Variants in ACACB observed in about 807,000 individuals in gnomAD.
ACACB encodes acetyl-CoA carboxylase 2.
ACACB carries 209 observed loss-of-function variants against 278.8 expected under a neutral mutation model. The ratio of observed to expected loss-of-function variants is 0.75; its 90% CI spans 0.67 to 0.84. The LOEUF (loss-of-function observed/expected upper bound fraction) is 0.84. Ranked by LOEUF, ACACB falls within the 40% of genes least tolerant of loss-of-function variation. The pLI is 0.00. For missense variants in ACACB, 2,850 were observed against 3,269.0 expected, an observed-to-expected ratio of 0.87 and a Z score of 3.13; for synonymous variants, 1,174 against 1,285.6, an observed-to-expected ratio of 0.91 and a Z score of 1.86.
At chr12:109,141,364 A>G (rs2043120487) in intron 2 of ACACB, among the ~76,000 whole-genome samples, 1 of 152,222 alleles carries the variant, frequency 6.6e-6, no homozygotes, top group African/African-American at 2.4e-5. Context: ...CAGCGGCTGC[A>G]GTCAGTGGCT....
intron 36 of ACACB, chr12:109,242,224 A>G (rs2046819129): frequency 1.9e-6 from 1 of 525,870 alleles, no homozygotes; most frequent in Non-Finnish European, 3.4e-6. Context: ...GTATTTTTGG[A>G]ACTGCATTCC....
At chr12:109,224,657 C>T (rs1311757617) in intron 27 of ACACB, among the ~76,000 whole-genome samples, 1 of 151,798 alleles carries the variant, frequency 6.6e-6, no homozygotes, top group Non-Finnish European at 1.5e-5. Context: ...TCAGCCTCCC[C>T]AGTAGCTGGG....
chr12:109,239,062 G>A (rs1458359283), intron 34 of ACACB, among the ~76,000 whole-genome samples: 2 of 151,162 alleles, frequency 1.3e-5, no homozygotes, highest in Non-Finnish European at 2.9e-5. Context: ...GATTATAGGC[G>A]CCCACCACCA....
At chr12:109,226,931 C>T (rs970679047) in intron 27 of ACACB, among the ~76,000 whole-genome samples, 1 of 151,668 alleles carries the variant, frequency 6.6e-6, no homozygotes, top group Non-Finnish European at 1.5e-5. Flanking sequence ...CAAATTTGCT[C>T]TTAACTGCTG....
At position 109,171,830 on chromosome 12, in the gene ACACB, C is replaced by T. The variant is rs368771680; in HGVS notation, c.951C>T (p.Tyr317=). 86 of 1,613,908 alleles carry T rather than the reference C, an allele frequency of 5.3e-5. 2 individuals carry two copies. The South Asian group carries it at 5.6e-4, about 11-fold the overall frequency. The change falls in exon 5 of 53, where the codon TAC becomes TAT. Residue 317 remains tyrosine, a synonymous_variant. Transcript: ENST00000338432. The stretch of plus-strand genomic sequence containing the variant: ...AGTACATCAAGATGGCGGATCATTA[C>T]GTCCCCGTCCCAGGAGGGCCCAATA... ...NAEYIKMADH[Y]VPVPGGPNNN...
In ACACB at chr12:109,266,512, C is replaced by A; in HGVS notation, c.*150C>A. 2.0e-6 allele frequency: 2 copies of A among 1,017,924 alleles called. No individual in the cohort carries two copies. The highest frequency in any genetic ancestry group is 3.1e-5 in the East Asian group (1 of 32,282). The allele number at this position is 1,017,924 out of a possible 1,614,324, so 63.1% of individuals were successfully genotyped here. On this transcript the variant is annotated 3_prime_UTR_variant, in exon 53 of 53. Transcript: ENST00000338432. ...GGGCTGCTGGTTCCGAGCTGACACC[C>A]GTCTTAACAAAAGGCCCAGGAGTGC...
chr12:109,175,979 T>C lies in ACACB; in HGVS notation c.1265T>C (p.Ile422Thr). Residue 422 changes from isoleucine (I) to threonine (T), a missense_variant, in exon 8 of 53, where the codon ATC becomes ACC. Physicochemically the swap from Ile to Thr is moderately conservative, Grantham distance 89 (BLOSUM62 -1). This residue lies in a region of ACACB where 2,265 missense variants were observed against 2,561.3 expected (regional missense o/e 0.88). Transcript: ENST00000338432. ...TEDDLQQGKR[I>T]SVPEDVYDKG... ...GATGATCTGCAGCAGGGAAAAAGAA[T>C]CAGTGTCCCAGAAGATGTTTATGAC... 1 of 1,614,130 alleles carries C rather than the reference T, an allele frequency of 6.2e-7. No individual in the cohort carries two copies. Among genetic ancestry groups the C allele is most frequent in the East Asian group, 2.2e-5 (1 of 44,882 alleles).
chr12:109,210,150 TAC>T (rs374187791), intron 21 of ACACB, among the ~76,000 whole-genome samples: 6 of 56,980 alleles, frequency 1.1e-4, no homozygotes, highest in East Asian at 1.0e-3. Context: ...TATGTATATA[TAC>T]ACACGTGTGT....
intron 2 of ACACB, among the ~76,000 whole-genome samples, chr12:109,160,811 G>GC (rs1344729702): frequency 6.6e-6 from 1 of 152,222 alleles, no homozygotes; most frequent in Non-Finnish European, 1.5e-5. Flanking sequence ...TGCCTAGCCT[G>GC]CGGTAATGGG....
intron 22 of ACACB, among the ~76,000 whole-genome samples, chr12:109,216,219 C>A (rs796542233): frequency 2.3e-5 from 3 of 128,148 alleles, no homozygotes; most frequent in South Asian, 2.5e-4. Flanking sequence ...CTCTCTCTCT[C>A]TTTTTTTTTT....
At chr12:109,152,720 C>G (rs1226861657) in intron 2 of ACACB, among the ~76,000 whole-genome samples, 1 of 142,410 alleles carries the variant, frequency 7.0e-6, no homozygotes, top group Admixed American at 7.3e-5. Context: ...TCATGGCTCA[C>G]TGCAGCCTCA....
intron 22 of ACACB, among the ~76,000 whole-genome samples, chr12:109,214,623 T>A (rs2045941149): frequency 6.6e-6 from 1 of 152,248 alleles, no homozygotes; most frequent in South Asian, 2.1e-4. Context: ...TGTCCTGTAT[T>A]GTGTAAGTAT....
chr12:109,171,977 T>G, intron 5 of ACACB, 63 bp downstream of exon 5: 1 of 1,374,800 alleles, frequency 7.3e-7, no homozygotes, highest in Non-Finnish European at 1.0e-6. Context: ...TAGGTTCTAG[T>G]TCAATTCCAC....
intron 2 of ACACB, among the ~76,000 whole-genome samples, chr12:109,159,980 C>G (rs1017497186): frequency 6.6e-6 from 1 of 151,664 alleles, no homozygotes; most frequent in Non-Finnish European, 1.5e-5. Context: ...GTCCCAGCTA[C>G]TCGGGAGGCT....
Position 109,140,240 on chromosome 12 carries a change from T to TTCCTTCCTTCCA in ACACB, c.653+193_653+194insATCCTTCCTTCC, listed in dbSNP as rs1565857213. On this transcript the variant is annotated intron_variant, in intron 2 of 52. Transcript: ENST00000338432. ...TTTCCTTCCTTCCTTCCTTCCTTCC[T>TTCCTTCCTTCCA]TCCTTCCTTCCTTCCATCCTTCCTT... is the stretch of plus-strand genomic sequence containing the variant. Among the ~76,000 whole-genome samples the TTCCTTCCTTCCA allele has an allele frequency of 1.7e-4, 23 of 135,176 alleles. 2 individuals are homozygous for TTCCTTCCTTCCA. Among genetic ancestry groups the TTCCTTCCTTCCA allele is most frequent in the African/African-American group, 5.4e-4 (20 of 36,968 alleles). 88.7% of individuals were successfully genotyped at this position (135,176 alleles called of 152,430 possible).
rs2044369929 is a variant in ACACB, at chr12:109,179,032, A to T, written c.1438-56A>T. The T allele has an allele frequency of 7.8e-6, 12 of 1,540,948 alleles. No individual in the cohort carries two copies. In the South Asian group the frequency reaches 1.3e-4, roughly 16 times the overall value. The stretch of plus-strand genomic sequence containing the variant: ...TATGTTCTCTCCTGAGAACTTCCAG[A>T]AGCTTCCAGAGCTGGTTTCCCCATG... On this transcript the variant is annotated intron_variant, in intron 9 of 52. Transcript: ENST00000338432.
intron 19 of ACACB, among the ~76,000 whole-genome samples, chr12:109,205,749 C>T (rs375802585): frequency 2.0e-4 from 30 of 151,910 alleles, no homozygotes; most frequent in South Asian, 1.7e-3. Flanking sequence ...CCACCGTGCC[C>T]GGCCAAGTCA....
rs141397365 is a variant in ACACB, at chr12:109,171,836, C to A, written c.957C>A (p.Pro319=). The change falls in exon 5 of 53, where the codon CCC becomes CCA. Residue 319 remains proline, a synonymous_variant. Coordinates refer to ENST00000338432, the MANE Select transcript of ACACB (RefSeq NM_001093.4). ...TCAAGATGGCGGATCATTACGTCCC[C>A]GTCCCAGGAGGGCCCAATAACAACA... ...EYIKMADHYV[P]VPGGPNNNNY... The A allele has an allele frequency of 1.2e-6, 2 of 1,613,944 alleles. No homozygotes were observed. The highest frequency in any genetic ancestry group is 1.3e-5 in the African/African-American group (1 of 74,912).
chr12:109,266,126 T>C, intron 52 of ACACB, 110 bp from the exon 53 acceptor site: 1 of 1,372,264 alleles, frequency 7.3e-7, no homozygotes, highest in East Asian at 2.5e-5. Flanking sequence ...CAGCAGGGAC[T>C]CGGGAGCTCT....
Sources: gnomAD v4.1 joint callset for allele counts (sites outside exome capture counted in the v4.1 genomes callset) on GRCh38, gnomAD v4.1.1 for gene constraint, gnomAD v4.1.1 regional missense constraint, MANE v1.5 for transcripts, NCBI Gene and HGNC (gene_info 2026-07-23, HGNC 2026-07-21) for gene names.